Variants in FKRP observed in about 807,000 individuals in gnomAD.
FKRP encodes fukutin related protein.
In FKRP, 25 loss-of-function variants were observed where a neutral mutation model predicts 30.6. The observed-to-expected ratio is 0.82, with a 90% CI of 0.60 to 1.14. FKRP has a LOEUF of 1.14. FKRP is among the 50% of genes most tolerant of loss of function. FKRP has a pLI of 0.00. For synonymous variants in FKRP, 358 were observed against 342.5 expected, an observed-to-expected ratio of 1.05 and a Z score of -0.50; for missense variants, 771 against 727.8, an observed-to-expected ratio of 1.06 and a Z score of -0.68.
chr19:46,756,429 C>A lies in FKRP; in HGVS notation c.979C>A (p.Arg327Ser), dbSNP rs867877678. 2 of 1,583,126 alleles carry A rather than the reference C, an allele frequency of 1.3e-6. No homozygotes were observed. Among genetic ancestry groups the A allele is most frequent in the Admixed American group, 1.8e-5 (1 of 54,458 alleles). The change falls in exon 4 of 4, where the codon CGC (arginine) becomes AGC (serine). Residue 327 changes from arginine (R) to serine (S), a missense_variant. Physicochemically the swap from Arg to Ser is moderately radical, Grantham distance 110. Coordinates refer to ENST00000318584, the MANE Select transcript of FKRP (RefSeq NM_024301.5). This position sits in a 1 kb window ranked among gnomAD's most constrained non-coding sequence, Gnocchi z 6.6. ...CCTGCGCGCGCTGCGCGAGACCGCC[C>A]GCTATGTGGTGGGCGTGCTGGAGGC... ...CCLRALRETA[R>S]YVVGVLEAAG...
At chr19:46,750,357 G>C (rs2054768040) in intron 3 of FKRP, among the ~76,000 whole-genome samples, 1 of 152,188 alleles carries the variant, frequency 6.6e-6, no homozygotes, top group South Asian at 2.1e-4. Flanking sequence ...CGAGGGCCAA[G>C]AGTTGTGCTG....
Position 46,757,396 on chromosome 19 carries a change from G to T in FKRP, c.*458G>T. 1 of 195,086 alleles carries T rather than the reference G, an allele frequency of 5.1e-6. No individual in the cohort carries two copies. Among genetic ancestry groups the T allele is most frequent in the South Asian group, 1.0e-4 (1 of 9,660 alleles). 12.1% of individuals were successfully genotyped at this position (195,086 alleles called of 1,614,324 possible). A position where few individuals can be genotyped will look rare whatever the true frequency, so the allele number is the denominator to read the frequency against. On this transcript the variant is annotated 3_prime_UTR_variant, in exon 4 of 4. Coordinates refer to ENST00000318584, the MANE Select transcript of FKRP (RefSeq NM_024301.5). The stretch of plus-strand genomic sequence containing the variant: ...GCTCTATCGCTTCGGAGCCAGGTGG[G>T]CCTGGGGGGGCGTCGCAGTCTCTCT...
chr19:46,755,496 C>G lies in FKRP; in HGVS notation c.46C>G (p.Leu16Val). ...CQAALAAAIT[L>V]NLLVLFYVSW... ...GGCTGCCCTGGCGGCCGCCATCACC[C>G]TCAACCTTCTGGTCCTCTTCTATGT... The change falls in exon 4 of 4, where the codon CTC becomes GTC. Residue 16 changes from leucine to valine, a missense_variant. Transcript: ENST00000318584. 1 of 1,610,946 alleles carries G rather than the reference C, an allele frequency of 6.2e-7. No individual in the cohort carries two copies. The highest frequency in any genetic ancestry group is 8.5e-7 in the Non-Finnish European group (1 of 1,179,374).
At chr19:46,750,305 C>T (rs748637601) in intron 3 of FKRP, among the ~76,000 whole-genome samples, 6 of 152,156 alleles carry the variant, frequency 3.9e-5, no homozygotes, top group Non-Finnish European at 7.3e-5. Context: ...CAGCAGGTGG[C>T]ACCTCTTCAT....
upstream of FKRP, among the ~76,000 whole-genome samples, chr19:46,745,264 T>G (rs908465276): frequency 6.6e-6 from 1 of 152,086 alleles, no homozygotes; most frequent in African/African-American, 2.4e-5. Flanking sequence ...CGCCCACTCC[T>G]GCACACCCCC....
intron 3 of FKRP, among the ~76,000 whole-genome samples, chr19:46,750,485 G>C (rs924312384): frequency 5.3e-5 from 8 of 152,200 alleles, no homozygotes; most frequent in African/African-American, 1.9e-4. Flanking sequence ...GGAGACCTCG[G>C]TTCTCGACCC....
Position 46,746,095 on chromosome 19 carries a change from G to A in FKRP, c.-253+5G>A. ...TGGCGGCGGCGGCGGCAGCGGGTGAGGCCGGGCCGGGCCGGGCCGGGTTGG... is the reference window on the plus strand; with the variant it reads ...TGGCGGCGGCGGCGGCAGCGGGTGAAGCCGGGCCGGGCCGGGCCGGGTTGG... On this transcript the variant is annotated splice_donor_5th_base_variant and intron_variant, in intron 1 of 3. Transcript: ENST00000318584. The A allele has an allele frequency of 7.3e-7, 1 of 1,369,236 alleles. No homozygotes were observed. Among genetic ancestry groups the A allele is most frequent in the Non-Finnish European group, 9.4e-7 (1 of 1,058,996 alleles). 84.8% of individuals were successfully genotyped at this position (1,369,236 alleles called of 1,614,324 possible). A position where few individuals can be genotyped will look rare whatever the true frequency, so the allele number is the denominator to read the frequency against.
intron 3 of FKRP, 77 bp downstream of exon 3, chr19:46,748,742 C>CT (rs921347430): frequency 7.9e-5 from 12 of 152,362 alleles, no homozygotes; most frequent in Non-Finnish European, 1.0e-4. Flanking sequence ...TTTTGTCCGT[C>CT]TTTTTTTTGT....
intron 1 of FKRP, chr19:46,746,553 G>T: frequency 1.2e-5 from 5 of 427,616 alleles, no homozygotes; most frequent in Non-Finnish European, 1.6e-5. Context: ...CAGTAGGAAG[G>T]GGGGCCGGCG....
chr19:46,752,921 AT>A (rs1480010212), intron 3 of FKRP, among the ~76,000 whole-genome samples: 2 of 151,942 alleles, frequency 1.3e-5, no homozygotes. Flanking sequence ...TAATCCCAAC[AT>A]TTCTGGAGGC....
In FKRP at chr19:46,756,936, T is replaced by A. The variant is rs104894682; in HGVS notation, c.1486T>A (p.Ter496ArgextTer21). Reference sequence around the variant, plus strand: ...ACTGCTGAGTCTGACGGGAAGCGGCTGAAGCCCTGATAACCTCGCCTTTGT... The same window carrying A: ...ACTGCTGAGTCTGACGGGAAGCGGCAGAAGCCCTGATAACCTCGCCTTTGT... ...PALLSLTGSG* is the reference protein window; with the variant it reads ...PALLSLTGSGR The change falls in exon 4 of 4, where the codon TGA (stop) becomes AGA (arginine). Residue 496 changes from the stop codon to arginine, a stop_lost. Coordinates refer to ENST00000318584, the MANE Select transcript of FKRP (RefSeq NM_024301.5). This position sits in a 1 kb window ranked among gnomAD's most constrained non-coding sequence, Gnocchi z 6.6. 2.5e-6 allele frequency: 4 copies of A among 1,612,740 alleles called. No individual in the cohort carries two copies. Among genetic ancestry groups the A allele is most frequent in the Non-Finnish European group, 3.4e-6 (4 of 1,179,928 alleles).
chr19:46,755,292 C>A, intron 3 of FKRP, 120 bp from the exon 4 acceptor site: 1 of 713,304 alleles, frequency 1.4e-6, no homozygotes. Flanking sequence ...AAAGCTGAAA[C>A]CAAATAGGGA....
intron 3 of FKRP, among the ~76,000 whole-genome samples, chr19:46,753,022 C>T (rs1018674235): frequency 5.3e-5 from 8 of 151,602 alleles, no homozygotes; most frequent in African/African-American, 1.9e-4. Flanking sequence ...AAAAATTAGC[C>T]GGGCATGGTG....
In FKRP at chr19:46,756,328, C is replaced by A; in HGVS notation, c.878C>A (p.Thr293Asn). Residue 293 changes from threonine to asparagine, a missense_variant, in exon 4 of 4, where the codon ACC becomes AAC. By Grantham distance (65) the Thr-to-Asn change is moderately conservative. Coordinates refer to ENST00000318584, the MANE Select transcript of FKRP (RefSeq NM_024301.5). This position sits in a 1 kb window ranked among gnomAD's most constrained non-coding sequence, Gnocchi z 6.6. ...GAGTGGTTCGGCTGCAACAAGGAGACCACGCGCTGCTTCGGAACCGTGGTG... is the reference window on the plus strand; with the variant it reads ...GAGTGGTTCGGCTGCAACAAGGAGAACACGCGCTGCTTCGGAACCGTGGTG... ...RLEWFGCNKE[T>N]TRCFGTVVGD... 1 of 1,556,478 alleles carries A rather than the reference C, an allele frequency of 6.4e-7. No homozygotes were observed. Among genetic ancestry groups the A allele is most frequent in the Non-Finnish European group, 8.7e-7 (1 of 1,154,998 alleles).
At position 46,757,178 on chromosome 19, in the gene FKRP, C is replaced by T; in HGVS notation, c.*240C>T. The T allele has an allele frequency of 1.6e-6, 1 of 617,816 alleles. No individual in the cohort carries two copies. Among genetic ancestry groups the T allele is most frequent in the East Asian group, 2.9e-5 (1 of 35,078 alleles). 38.3% of individuals were successfully genotyped at this position (617,816 alleles called of 1,614,324 possible). A position where few individuals can be genotyped will look rare whatever the true frequency, so the allele number is the denominator to read the frequency against. On this transcript the variant is annotated 3_prime_UTR_variant, in exon 4 of 4. Transcript: ENST00000318584. ...ATGCCCACTGGGAGCCGTGGATATGCGTGGGGACATCCTGGGTCATCTCAG... is the reference window on the plus strand; with the variant it reads ...ATGCCCACTGGGAGCCGTGGATATGTGTGGGGACATCCTGGGTCATCTCAG...
rs944863051 is a variant in FKRP, at chr19:46,758,320, C to T, written c.*1382C>T. On this transcript the variant is annotated 3_prime_UTR_variant, in exon 4 of 4. Coordinates refer to ENST00000318584, the MANE Select transcript of FKRP (RefSeq NM_024301.5). ...TCCCCAAGAGGGGCTTGGAGACCCA[C>T]TTAGCAGGTGAAAGCAATGGCAGCC... The T allele has an allele frequency of 6.0e-6, 1 of 166,964 alleles. No homozygotes were observed. Among genetic ancestry groups the T allele is most frequent in the Non-Finnish European group, 1.5e-5 (1 of 68,102 alleles). 10.3% of individuals were successfully genotyped at this position (166,964 alleles called of 1,614,324 possible).
At chr19:46,746,039 G>T (rs12984041), upstream of FKRP, 71 of 903,392 alleles carry the variant, frequency 7.9e-5, 6 homozygotes, top group Admixed American at 1.1e-4. Context: ...CCGCCCCCCC[G>T]CCGGCCGTCC....
chr19:46,749,408 C>CTTTTTTT (rs34544320), intron 3 of FKRP, among the ~76,000 whole-genome samples: 1 of 114,852 alleles, frequency 8.7e-6, no homozygotes, highest in Non-Finnish European at 1.7e-5. Flanking sequence ...CCTTTGTTTC[C>CTTTTTTT]TTTTTTTTTT....
rs545910459 is a variant in FKRP at position 46,758,154 on chromosome 19, G to A, written c.*1216G>A. On this transcript the variant is annotated 3_prime_UTR_variant, in exon 4 of 4. Transcript: ENST00000318584. ...CTGCTATTATTTTCATTACACAGAT[G>A]AAAAAGCTGAGGCCAGAATCGTGAA... is the stretch of plus-strand genomic sequence containing the variant. 1 of 167,232 alleles carries A rather than the reference G, an allele frequency of 6.0e-6. No individual in the cohort carries two copies. The highest frequency in any genetic ancestry group is 2.1e-4 in the South Asian group (1 of 4,826). 10.4% of individuals were successfully genotyped at this position (167,232 alleles called of 1,614,324 possible).
Sources: allele counts gnomAD v4.1 joint callset (sites outside exome capture counted in the v4.1 genomes callset), GRCh38; gene constraint gnomAD v4.1.1; non-coding constraint Gnocchi (gnomAD v3.1); transcripts MANE v1.5; gene names NCBI Gene and HGNC (gene_info 2026-07-23, HGNC 2026-07-21).